RARB: variants seen among roughly 807,000 people sequenced by gnomAD.
RARB encodes the protein HBV-activated protein.
RARB carries 17 observed loss-of-function variants against 51.9 expected under a neutral mutation model. That is an observed-to-expected ratio of 0.33 (90% CI 0.22 to 0.49). RARB has a LOEUF of 0.49. Ranked by LOEUF, RARB falls within the 20% of genes least tolerant of loss-of-function variation. The probability of loss-of-function intolerance (pLI) is 0.99; values close to 1 mark genes in which losing one functional copy is unlikely to be tolerated. For synonymous variants in RARB, 215 were observed against 195.4 expected, an observed-to-expected ratio of 1.10 and a Z score of -0.84; for missense variants, 369 against 550.8, an observed-to-expected ratio of 0.67 and a Z score of 3.30.
chr3:25,106,283 TTTTA>T (rs1046363758), intron 3 of RARB, among the ~76,000 whole-genome samples: 2 of 30,642 alleles, frequency 6.5e-5, no homozygotes, highest in Admixed American at 5.1e-4. Flanking sequence ...AGTAAAATTC[TTTTA>T]TTTTTTTTGA....
chr3:24,848,590 G>A (rs4858130), intron 1 of RARB, among the ~76,000 whole-genome samples: 1,842 of 152,278 alleles, frequency 0.012, 40 homozygotes, highest in African/African-American at 0.042. Flanking sequence ...TCTGCCTCAC[G>A]AAGGGTACCT....
chr3:25,518,989 C>T (rs538697838), intron 3 of RARB, among the ~76,000 whole-genome samples: 10 of 152,280 alleles, frequency 6.6e-5, no homozygotes, highest in Admixed American at 6.5e-5. Context: ...ATATCTGTCA[C>T]CATAGGTTAG....
chr3:24,860,622 T>C (rs1362271950), intron 2 of RARB, among the ~76,000 whole-genome samples: 2 of 151,928 alleles, frequency 1.3e-5, no homozygotes, highest in Non-Finnish European at 2.9e-5. Context: ...GCATGCTGAT[T>C]GAAGAAAAAA....
At chr3:25,518,257 C>T (rs972780105) in intron 3 of RARB, among the ~76,000 whole-genome samples, 3 of 151,544 alleles carry the variant, frequency 2.0e-5, no homozygotes, top group African/African-American at 7.3e-5. Context: ...GATGAGGGCT[C>T]TTATTTGGTA....
At chr3:25,072,532 C>T (rs1698788472) in intron 3 of RARB, among the ~76,000 whole-genome samples, 1 of 152,102 alleles carries the variant, frequency 6.6e-6, no homozygotes, top group Admixed American at 6.5e-5. Context: ...CTGTTGGAAA[C>T]ACAAGATTCC....
intron 2 of RARB, among the ~76,000 whole-genome samples, chr3:24,975,032 G>T (rs1575100096): frequency 6.6e-6 from 1 of 152,124 alleles, no homozygotes; most frequent in South Asian, 2.1e-4. Context: ...CTTAGGCAGT[G>T]AATTTTAAAT....
chr3:25,253,446 T>C (rs1190908980), intron 5 of RARB, among the ~76,000 whole-genome samples: 1 of 152,206 alleles, frequency 6.6e-6, no homozygotes, highest in East Asian at 1.9e-4. Flanking sequence ...CTGAAGGATC[T>C]ATAAAATATT....
At chr3:25,305,633 C>T (rs968102318) in intron 5 of RARB, among the ~76,000 whole-genome samples, 20 of 152,266 alleles carry the variant, frequency 1.3e-4, no homozygotes, top group Admixed American at 3.9e-4. Flanking sequence ...TCAGGCAGGC[C>T]AGCCAGGCAG....
chr3:25,267,425 G>A (rs571246748), intron 5 of RARB, among the ~76,000 whole-genome samples: 7 of 152,190 alleles, frequency 4.6e-5, no homozygotes, highest in African/African-American at 1.7e-4. Context: ...TCACATTACC[G>A]CTGCCTATTC....
In RARB at chr3:24,883,357, TG is replaced by T. The variant is rs1553610565; in HGVS notation, c.-380+24606del. ...TTGAAGCCAGACTTTCAACAATCAT[TG>T]TGTGTGTGTGTGTGTGTGTGTGTGT... On this transcript the variant is annotated intron_variant, in intron 2 of 11. Transcript: ENST00000383772. Among the ~76,000 whole-genome samples, 11 of 6,150 alleles carry T rather than the reference TG, an allele frequency of 1.8e-3. No individual in the cohort carries two copies. In the South Asian group the frequency reaches 0.02, roughly 11 times the overall value. The allele number at this position is 6,150 out of a possible 152,430, so 4.0% of individuals were successfully genotyped here. A position where few individuals can be genotyped will look rare whatever the true frequency, so the allele number is the denominator to read the frequency against.
At chr3:24,869,962 T>C (rs973196620) in intron 2 of RARB, among the ~76,000 whole-genome samples, 12 of 152,092 alleles carry the variant, frequency 7.9e-5, no homozygotes, top group Non-Finnish European at 1.8e-4. Context: ...AATCTCATTT[T>C]AGTTTTAGTT....
intron 2 of RARB, among the ~76,000 whole-genome samples, chr3:24,990,797 T>C (rs1301731763): frequency 6.6e-6 from 1 of 152,318 alleles, no homozygotes; most frequent in Admixed American, 6.5e-5. Context: ...ACTTCAAATT[T>C]GACAAGCATC....
At chr3:25,333,732 G>C (rs1575320090) in intron 5 of RARB, among the ~76,000 whole-genome samples, 1 of 152,196 alleles carries the variant, frequency 6.6e-6, no homozygotes, top group Non-Finnish European at 1.5e-5. Context: ...CCATCAGAGT[G>C]AACAGGCAAC....
At chr3:24,846,281 T>C (rs908528087) in intron 1 of RARB, among the ~76,000 whole-genome samples, 1 of 152,204 alleles carries the variant, frequency 6.6e-6, no homozygotes, top group African/African-American at 2.4e-5. Context: ...TCCTGGATTA[T>C]TGTGTGGATT....
At chr3:25,341,304 A>G (rs900839856) in intron 5 of RARB, among the ~76,000 whole-genome samples, 2 of 152,198 alleles carry the variant, frequency 1.3e-5, no homozygotes, top group Non-Finnish European at 2.9e-5. Flanking sequence ...GAATATACAT[A>G]AGATCACCAA....
rs576495605 is a variant in RARB, at chr3:24,932,676, A to G, written c.-380+73924A>G. ...TTAGATTTAGAAAAAACTGAGGGCCAATAGCATTGCTTTCAACAAGTTATT... is the reference window on the plus strand; with the variant it reads ...TTAGATTTAGAAAAAACTGAGGGCCGATAGCATTGCTTTCAACAAGTTATT... On this transcript the variant is annotated intron_variant, in intron 2 of 11. Transcript: ENST00000383772. Among the ~76,000 whole-genome samples the G allele has an allele frequency of 3.9e-5, 6 of 152,290 alleles. No individual in the cohort carries two copies. The South Asian group carries it at 1.2e-3, about 32-fold the overall frequency.
intron 2 of RARB, among the ~76,000 whole-genome samples, chr3:24,953,167 G>T (rs1253662700): frequency 1.3e-5 from 2 of 152,242 alleles, no homozygotes; most frequent in Middle Eastern, 6.8e-3. Context: ...CATGAAATTT[G>T]AATGTGAAGT....
At chr3:25,044,099 A>G (rs891874574) in intron 2 of RARB, among the ~76,000 whole-genome samples, 7 of 152,164 alleles carry the variant, frequency 4.6e-5, no homozygotes, top group African/African-American at 1.7e-4. Context: ...AACAGAAGGT[A>G]AACAAGTTCA....
intron 4 of RARB, among the ~76,000 whole-genome samples, chr3:25,145,493 T>A (rs1056210549): frequency 1.0e-4 from 10 of 97,540 alleles, no homozygotes; most frequent in Non-Finnish European, 2.0e-4. Context: ...TTGAAAATTG[T>A]AAATTTCAAA....
Sources: gnomAD v4.1 joint callset for allele counts (sites outside exome capture counted in the v4.1 genomes callset) on GRCh38, gnomAD v4.1.1 for gene constraint, MANE v1.5 for transcripts, NCBI Gene and HGNC (gene_info 2026-07-23, HGNC 2026-07-21) for gene names.